The following RASSF8 variants were observed in gnomAD, a reference collection of about 807,000 sequenced individuals.
The protein encoded by RASSF8 is ras association domain-containing protein 8.
RASSF8 carries 22 observed loss-of-function variants against 48.5 expected under a neutral mutation model. The ratio of observed to expected loss-of-function variants is 0.45; its 90% CI spans 0.32 to 0.65. RASSF8 has a LOEUF of 0.65. Ranked by LOEUF, RASSF8 falls within the 30% of genes least tolerant of loss-of-function variation. The pLI is 0.03. For synonymous variants in RASSF8, 127 were observed against 171.5 expected, an observed-to-expected ratio of 0.74 and a Z score of 2.03; for missense variants, 418 against 489.2, an observed-to-expected ratio of 0.85 and a Z score of 1.37.
intron 2 of RASSF8, among the ~76,000 whole-genome samples, chr12:26,050,499 TGACTC>T (rs1203743777): frequency 6.6e-6 from 1 of 152,204 alleles, no homozygotes; most frequent in South Asian, 2.1e-4. Flanking sequence ...ATATGCGTCT[TGACTC>T]AAATCACACA....
chr12:26,011,023 A>G (rs1942511032), intron 2 of RASSF8, among the ~76,000 whole-genome samples: 1 of 152,144 alleles, frequency 6.6e-6, no homozygotes, highest in Admixed American at 6.5e-5. Flanking sequence ...TCACCTTGTT[A>G]ATTAATCCCA....
In RASSF8 at chr12:26,004,967, A is replaced by G. The variant is rs1470662143; in HGVS notation, c.-109+9837A>G. ...CCATGGGTTTGAGGCCAGTCTGGGC[A>G]ACAAAGGGAGACCCTGTCTTTACAA... On this transcript the variant is annotated intron_variant, in intron 2 of 5. Coordinates refer to ENST00000689635, the MANE Select transcript of RASSF8 (RefSeq NM_001394098.1). Among the ~76,000 whole-genome samples, 14 of 152,174 alleles carry G rather than the reference A, an allele frequency of 9.2e-5. 1 individual carries two copies. Among genetic ancestry groups the G allele is most frequent in the Admixed American group, 9.2e-4 (14 of 15,264 alleles).
chr12:25,989,993 G>A (rs546458862), intron 1 of RASSF8, among the ~76,000 whole-genome samples: 1 of 152,284 alleles, frequency 6.6e-6, no homozygotes, highest in African/African-American at 2.4e-5. Context: ...GTGCAAAATG[G>A]AGACTGTAGG....
chr12:26,063,373 T>C (rs1943789344), intron 3 of RASSF8, among the ~76,000 whole-genome samples: 1 of 152,154 alleles, frequency 6.6e-6, no homozygotes, highest in African/African-American at 2.4e-5. Context: ...TTTCAATGTA[T>C]ATGTGATTGT....
chr12:26,044,735 C>A (rs1228789680), intron 2 of RASSF8, among the ~76,000 whole-genome samples: 2 of 152,132 alleles, frequency 1.3e-5, no homozygotes, highest in African/African-American at 4.8e-5. Context: ...TCACAATGCA[C>A]ATCTTAAACT....
intron 2 of RASSF8, among the ~76,000 whole-genome samples, chr12:26,001,974 A>G (rs1942269313): frequency 6.6e-6 from 1 of 152,220 alleles, no homozygotes; most frequent in Non-Finnish European, 1.5e-5. Flanking sequence ...CACTTGAGTA[A>G]TGAATGCATT....
rs1447245584 is a variant in RASSF8, at chr12:25,959,052, C to G, written c.-299C>G. ...CCGGGGAGTGCGGCGCGGGGACGGGCGCTGGGCGGCCGCGGAGCTCCGGGT... is the reference window on the plus strand; with the variant it reads ...CCGGGGAGTGCGGCGCGGGGACGGGGGCTGGGCGGCCGCGGAGCTCCGGGT... On this transcript the variant is annotated 5_prime_UTR_variant, in exon 1 of 6. Coordinates refer to ENST00000689635, the MANE Select transcript of RASSF8 (RefSeq NM_001394098.1). 6.8e-6 allele frequency: 1 copy of G among 147,566 alleles called. No homozygotes were observed. The highest frequency in any genetic ancestry group is 6.7e-5 in the Admixed American group (1 of 14,862). 9.1% of individuals were successfully genotyped at this position (147,566 alleles called of 1,614,324 possible). A position where few individuals can be genotyped will look rare whatever the true frequency, so the allele number is the denominator to read the frequency against.
intron 1 of RASSF8, among the ~76,000 whole-genome samples, chr12:25,969,081 A>C (rs1445673263): frequency 1.3e-5 from 2 of 152,190 alleles, no homozygotes. Flanking sequence ...GGGGGGAGCA[A>C]AGGGCTGGAG....
intron 2 of RASSF8, among the ~76,000 whole-genome samples, chr12:26,049,967 G>A (rs1001391492): frequency 5.3e-5 from 8 of 151,942 alleles, no homozygotes; most frequent in Non-Finnish European, 1.0e-4. Context: ...TGTATTTTTA[G>A]TAGAGACAGG....
chr12:26,013,556 T>A (rs568233285), intron 2 of RASSF8, among the ~76,000 whole-genome samples: 88 of 152,306 alleles, frequency 5.8e-4, no homozygotes, highest in Non-Finnish European at 9.4e-4. Context: ...TAGCCAGGCC[T>A]CTTCATTAGA....
At chr12:26,007,515 A>G (rs1942420847) in intron 2 of RASSF8, among the ~76,000 whole-genome samples, 1 of 152,228 alleles carries the variant, frequency 6.6e-6, no homozygotes, top group Non-Finnish European at 1.5e-5. Flanking sequence ...CTGGGAGCAC[A>G]GAAGGAGCTC....
chr12:26,068,295 C>G (rs1415063573), intron 5 of RASSF8, among the ~76,000 whole-genome samples: 2 of 152,052 alleles, frequency 1.3e-5, no homozygotes, highest in East Asian at 1.9e-4. Flanking sequence ...AAACTTTTTT[C>G]TGAAGTATAT....
intron 2 of RASSF8, among the ~76,000 whole-genome samples, chr12:26,007,683 G>A (rs2137008261): frequency 6.6e-6 from 1 of 152,326 alleles, no homozygotes; most frequent in South Asian, 2.1e-4. Context: ...GGAAAAGCAA[G>A]TACAGCCGAG....
chr12:26,013,686 C>T (rs1053513418), intron 2 of RASSF8, among the ~76,000 whole-genome samples: 8 of 151,646 alleles, frequency 5.3e-5, no homozygotes, highest in African/African-American at 1.9e-4. Flanking sequence ...GTTGTTTATT[C>T]AAACTGGTTA....
At chr12:26,025,332 C>T (rs899275668) in intron 2 of RASSF8, among the ~76,000 whole-genome samples, 7 of 151,762 alleles carry the variant, frequency 4.6e-5, no homozygotes, top group Admixed American at 1.3e-4. Context: ...CCGAGGCGGG[C>T]AGATCACGAG....
Position 25,970,551 on chromosome 12 carries a change from G to A in RASSF8, c.-203+11403G>A, listed in dbSNP as rs191752480. On this transcript the variant is annotated intron_variant, in intron 1 of 5. Coordinates refer to ENST00000689635, the MANE Select transcript of RASSF8 (RefSeq NM_001394098.1). ...TTGTTTCCTCTTAACTGGTCTCCCC[G>A]CCTGAAACCCATCCTCCATGTTGCC... Among the ~76,000 whole-genome samples, 14 of 152,068 alleles carry A rather than the reference G, an allele frequency of 9.2e-5. No homozygotes were observed. The East Asian group carries it at 1.7e-3, about 19-fold the overall frequency.
At chr12:26,039,129 A>G (rs1175214663) in intron 2 of RASSF8, among the ~76,000 whole-genome samples, 1 of 152,206 alleles carries the variant, frequency 6.6e-6, no homozygotes, top group Non-Finnish European at 1.5e-5. Context: ...TCCTACTCCT[A>G]TGAAATTTGG....
At chr12:25,975,919 A>G (rs1360116273) in intron 1 of RASSF8, among the ~76,000 whole-genome samples, 3 of 152,122 alleles carry the variant, frequency 2.0e-5, no homozygotes, top group African/African-American at 4.8e-5. Flanking sequence ...TACCTTTGGG[A>G]AGCAGCACAG....
chr12:25,974,759 C>T (rs886247999), intron 1 of RASSF8, among the ~76,000 whole-genome samples: 1 of 152,060 alleles, frequency 6.6e-6, no homozygotes, highest in Non-Finnish European at 1.5e-5. Context: ...AGTGTTGGGG[C>T]TGCACTCTGA....
Sources: gnomAD v4.1 joint callset for allele counts (sites outside exome capture counted in the v4.1 genomes callset) on GRCh38, gnomAD v4.1.1 for gene constraint, MANE v1.5 for transcripts, NCBI Gene and HGNC (gene_info 2026-07-23, HGNC 2026-07-21) for gene names.